MYCBP2: variants seen among roughly 807,000 people sequenced by gnomAD.
The protein encoded by MYCBP2 is E3 ubiquitin-protein ligase MYCBP2.
Under a neutral mutation model 525.3 loss-of-function variants are expected in MYCBP2, and 120 were observed. The ratio of observed to expected loss-of-function variants is 0.23; its 90% CI spans 0.20 to 0.27. The LOEUF is 0.27. Ranked by LOEUF, MYCBP2 falls within the 10% of genes least tolerant of loss-of-function variation. The pLI is 1.00. For missense variants in MYCBP2, 4,149 were observed against 5,657.1 expected (o/e 0.73, Z 8.55); for synonymous variants, 1,894 against 1,955.8 (o/e 0.97, Z 0.83).
intron 46 of MYCBP2, among the ~76,000 whole-genome samples, chr13:77,155,428 A>G (rs1272503785): frequency 6.6e-6 from 1 of 152,136 alleles, no homozygotes; most frequent in Admixed American, 6.5e-5. Context: ...ATAAAATTTT[A>G]TTCAATATAA....
intron 21 of MYCBP2, among the ~76,000 whole-genome samples, chr13:77,216,444 C>T (rs1165473951): frequency 6.6e-6 from 1 of 152,042 alleles, no homozygotes; most frequent in Non-Finnish European, 1.5e-5. Context: ...AAGTGTCAAC[C>T]TACAGGTTGC....
At chr13:77,302,452 T>C (rs1057514156) in intron 1 of MYCBP2, among the ~76,000 whole-genome samples, 3 of 152,090 alleles carry the variant, frequency 2.0e-5, no homozygotes, top group Non-Finnish European at 4.4e-5. Context: ...TCATGTAACC[T>C]TTAAGAATGT....
intron 44 of MYCBP2, among the ~76,000 whole-genome samples, chr13:77,161,520 T>G (rs998057794): frequency 6.6e-6 from 1 of 152,198 alleles, no homozygotes; most frequent in African/African-American, 2.4e-5. Context: ...TTTTGCTGCT[T>G]CTTATAACAC....
Position 77,121,443 on chromosome 13 carries a change from T to C in MYCBP2, c.8070A>G (p.Ser2690=). ...TTGCCCCTTTATTAAAAGCTTGCACTGAGAAAGGGCTTGGAGGAGGAGTTT... is the reference window on the plus strand; with the variant it reads ...TTGCCCCTTTATTAAAAGCTTGCACCGAGAAAGGGCTTGGAGGAGGAGTTT... ...NSQTPPPSPF[S]VQAFNKGASC... is the part of the protein sequence containing the mutation. Residue 2690 remains serine (S), a synonymous_variant, in exon 55 of 83, where the codon TCA becomes TCG. Transcript: ENST00000544440. 2 of 1,594,848 alleles carry C rather than the reference T, an allele frequency of 1.3e-6. No individual in the cohort carries two copies. The highest frequency in any genetic ancestry group is 1.7e-6 in the Non-Finnish European group (2 of 1,166,972).
chr13:77,193,340 T>C (rs1240578972), intron 27 of MYCBP2, among the ~76,000 whole-genome samples: 1 of 152,160 alleles, frequency 6.6e-6, no homozygotes, highest in Non-Finnish European at 1.5e-5. Context: ...GATTTACTCT[T>C]TTGTTTTCAA....
chr13:77,203,082 T>C (rs1225290043), intron 26 of MYCBP2, among the ~76,000 whole-genome samples: 2 of 151,680 alleles, frequency 1.3e-5, no homozygotes. Context: ...GGGTATTCAA[T>C]TAGGAAAAGA....
At chr13:77,303,652 C>T (rs1176325835) in intron 1 of MYCBP2, among the ~76,000 whole-genome samples, 4 of 151,530 alleles carry the variant, frequency 2.6e-5, no homozygotes, top group Non-Finnish European at 4.4e-5. Context: ...CAATGGAAAT[C>T]AGAAAATATT....
At chr13:77,109,024 G>A (rs757296198) in intron 55 of MYCBP2, among the ~76,000 whole-genome samples, 3 of 152,164 alleles carry the variant, frequency 2.0e-5, no homozygotes, top group Admixed American at 6.6e-5. Flanking sequence ...ACTATTTGGA[G>A]AAAGAAGGAG....
At chr13:77,284,577 C>G (rs2076542049) in intron 3 of MYCBP2, among the ~76,000 whole-genome samples, 1 of 152,140 alleles carries the variant, frequency 6.6e-6, no homozygotes, top group East Asian at 1.9e-4. Flanking sequence ...TCACTTCTTC[C>G]TCTCTTTACC....
At chr13:77,211,896 C>T in intron 22 of MYCBP2, 60 bp downstream of exon 22, 2 of 1,318,056 alleles carry the variant, frequency 1.5e-6, no homozygotes, top group Non-Finnish European at 2.2e-6. Context: ...GAAAGATAAA[C>T]CATTTACTAT....
chr13:77,270,001 C>A lies in MYCBP2; in HGVS notation c.1251G>T (p.Gly417=), dbSNP rs2154344155. Residue 417 remains glycine, a synonymous_variant, in exon 7 of 83, where the codon GGG becomes GGT. Transcript: ENST00000544440. ...GTGGATAGTTTCTTACCTGAGCATA[C>A]CCTAACCAAGACTTTTTTTCTTTTC... The part of the protein sequence containing the change: ...RNRKEKKSWL[G]YAQGYLLYRD... 6.2e-7 allele frequency: 1 copy of A among 1,611,866 alleles called. No individual in the cohort carries two copies. Among genetic ancestry groups the A allele is most frequent in the Middle Eastern group, 1.7e-4 (1 of 6,042 alleles).
Position 77,326,603 on chromosome 13 carries a change from G to A in MYCBP2, c.173C>T (p.Ala58Val). The A allele has an allele frequency of 3.2e-6, 5 of 1,582,094 alleles. No homozygotes were observed. Among genetic ancestry groups the A allele is most frequent in the Non-Finnish European group, 4.3e-6 (5 of 1,166,494 alleles). ...AAGLGLGLPA[A>V]DSRGHYQLLL... ...CAGCTGGTAGTGACCCCGGGAGTCC[G>A]CGGCGGGTAGCCCCAGCCCCAGCCC... The change falls in exon 1 of 83, where the codon GCG becomes GTG. Residue 58 changes from alanine (A) to valine (V), a missense_variant. Physicochemically the swap from Ala to Val is moderately conservative, Grantham distance 64. Around this residue, in one of 21 missense-constraint regions of MYCBP2, gnomAD observed 413 missense variants for 451.2 expected, o/e 0.92. Transcript: ENST00000544440. The surrounding 1 kb of genome is among the most constrained non-coding windows in gnomAD (Gnocchi z 4.2).
At chr13:77,183,066 A>G (rs2060361268) in intron 32 of MYCBP2, among the ~76,000 whole-genome samples, 1 of 152,054 alleles carries the variant, frequency 6.6e-6, no homozygotes, top group African/African-American at 2.4e-5. Context: ...AATTACATCG[A>G]TTTTCAATTA....
intron 39 of MYCBP2, 97 bp from the exon 40 acceptor site, chr13:77,168,743 TC>T: frequency 1.8e-6 from 2 of 1,100,332 alleles, no homozygotes; most frequent in Non-Finnish European, 2.6e-6. Context: ...AATAACAATT[TC>T]CATCTAAATT....
At chr13:77,192,446 A>T (rs1047901789) in intron 27 of MYCBP2, among the ~76,000 whole-genome samples, 8 of 152,232 alleles carry the variant, frequency 5.3e-5, no homozygotes, top group African/African-American at 1.9e-4. Context: ...GACAATAAAT[A>T]AGGGCATCTT....
At chr13:77,223,336 AC>A (rs1183551565) in intron 20 of MYCBP2, among the ~76,000 whole-genome samples, 2 of 152,104 alleles carry the variant, frequency 1.3e-5, no homozygotes, top group Admixed American at 1.3e-4. Flanking sequence ...TTATGCTGGA[AC>A]CTAGACTCCT....
In MYCBP2 at chr13:77,251,311, C is replaced by T; in HGVS notation, c.2221G>A (p.Glu741Lys). ...NMATAMDEDLEEELDEKDEKS... is the reference protein window; with the variant it reads ...NMATAMDEDLKEELDEKDEKS... ...TCATCTTTTTCATCTAGTTCTTCTTCCAGGTCTTCATCCATTGCTGTTGCC... is the reference window on the plus strand; with the variant it reads ...TCATCTTTTTCATCTAGTTCTTCTTTCAGGTCTTCATCCATTGCTGTTGCC... The change falls in exon 15 of 83, where the codon GAA becomes AAA. Residue 741 changes from glutamate to lysine, a missense_variant. Around this residue, in one of 21 missense-constraint regions of MYCBP2, gnomAD observed 620 missense variants for 795.5 expected, o/e 0.78. Coordinates refer to ENST00000544440, the MANE Select transcript of MYCBP2 (RefSeq NM_015057.5). 1 of 1,614,164 alleles carries T rather than the reference C, an allele frequency of 6.2e-7. No individual in the cohort carries two copies. Among genetic ancestry groups the T allele is most frequent in the Non-Finnish European group, 8.5e-7 (1 of 1,180,024 alleles).
chr13:77,326,815 G>A lies in MYCBP2; in HGVS notation c.-40C>T. The stretch of plus-strand genomic sequence containing the variant: ...CCGCCGCCGCCGCCTCGTCCCCGCG[G>A]GCCGGGCGGGCAGACACGCGCGCGC... On this transcript the variant is annotated 5_prime_UTR_variant, in exon 1 of 83. Coordinates refer to ENST00000544440, the MANE Select transcript of MYCBP2 (RefSeq NM_015057.5). The surrounding 1 kb of genome is among the most constrained non-coding windows in gnomAD (Gnocchi z 4.2). 7.2e-7 allele frequency: 1 copy of A among 1,386,030 alleles called. No homozygotes were observed. The highest frequency in any genetic ancestry group is 9.2e-7 in the Non-Finnish European group (1 of 1,082,792). 85.9% of individuals were successfully genotyped at this position (1,386,030 alleles called of 1,614,324 possible). A position where few individuals can be genotyped will look rare whatever the true frequency, so the allele number is the denominator to read the frequency against.
At chr13:77,187,565 T>C (rs927002196) in intron 30 of MYCBP2, among the ~76,000 whole-genome samples, 19 of 152,066 alleles carry the variant, frequency 1.2e-4, no homozygotes, top group African/African-American at 4.6e-4. Context: ...ATTGAATAAA[T>C]TAGAATAATG....
Sources: allele counts gnomAD v4.1 joint callset (sites outside exome capture counted in the v4.1 genomes callset), GRCh38; gene constraint gnomAD v4.1.1; regional missense constraint gnomAD v4.1.1; non-coding constraint Gnocchi (gnomAD v3.1); transcripts MANE v1.5; gene names NCBI Gene and HGNC (gene_info 2026-07-23, HGNC 2026-07-21).